Variants in PVT1 observed in about 807,000 individuals in gnomAD.
PVT1 encodes CXCR4/PVT1 fusion.
chr8:127,844,661 G>A (rs1425529853), intron 2 of PVT1, among the ~76,000 whole-genome samples: 2 of 151,694 alleles, frequency 1.3e-5, no homozygotes, highest in South Asian at 2.1e-4. Context: ...TCATCCACTC[G>A]ACTGAACTTC....
intron 2 of PVT1, among the ~76,000 whole-genome samples, chr8:127,817,185 A>G (rs989074210): frequency 1.1e-4 from 17 of 151,906 alleles, no homozygotes; most frequent in Admixed American, 9.9e-4. Flanking sequence ...ACCTTCAGCA[A>G]TCATCTCAAA....
chr8:127,982,196 G>A (rs939105656), intron 3 of PVT1, among the ~76,000 whole-genome samples: 3 of 152,206 alleles, frequency 2.0e-5, no homozygotes, highest in Admixed American at 2.0e-4. Context: ...ACCTATTGGA[G>A]TTGGATAACG....
chr8:128,072,812 A>C (rs1039763500), intron 5 of PVT1, among the ~76,000 whole-genome samples: 1 of 151,718 alleles, frequency 6.6e-6, no homozygotes, highest in Non-Finnish European at 1.5e-5. Context: ...GAGCACTTTT[A>C]TTTTATTTTA....
chr8:127,796,499 C>G (rs935575738), intron 2 of PVT1, among the ~76,000 whole-genome samples: 23 of 152,172 alleles, frequency 1.5e-4, no homozygotes, highest in African/African-American at 5.3e-4. Context: ...GCCTCCTGAG[C>G]GGTAGGCAGG....
intron 4 of PVT1, among the ~76,000 whole-genome samples, chr8:127,989,935 G>A (rs933824246): frequency 1.3e-5 from 2 of 152,186 alleles, no homozygotes; most frequent in African/African-American, 2.4e-5. Context: ...TCATGAAGAT[G>A]TTGTTTGTGT....
At chr8:127,912,571 T>C (rs938337344) in intron 3 of PVT1, among the ~76,000 whole-genome samples, 2 of 152,160 alleles carry the variant, frequency 1.3e-5, no homozygotes, top group South Asian at 4.1e-4. Context: ...AGTGGAGAAG[T>C]TGGATTATCC....
intron 3 of PVT1, among the ~76,000 whole-genome samples, chr8:127,974,921 G>A (rs550972307): frequency 6.6e-5 from 10 of 152,002 alleles, no homozygotes; most frequent in Non-Finnish European, 1.3e-4. Flanking sequence ...ATCCTAAAGC[G>A]GAAACATTTT....
rs147745254 is a variant in PVT1 at position 127,958,986 on chromosome 8, A to G, written n.783-30176A>G. On this transcript the variant is annotated intron_variant and non_coding_transcript_variant, in intron 3 of 10. Coordinates refer to ENST00000651587, the Ensembl canonical transcript of PVT1. ...GGTCACAGCACCAAGATGGGAACCC[A>G]GCAGGTGGCCTGGGTCCTCATGGTT... Among the ~76,000 whole-genome samples the G allele has an allele frequency of 3.3e-3, 483 of 144,678 alleles. 4 individuals carry two copies. The highest frequency in any genetic ancestry group is 0.023 in the Admixed American group (336 of 14,482). 94.9% of individuals were successfully genotyped at this position (144,678 alleles called of 152,430 possible). A position where few individuals can be genotyped will look rare whatever the true frequency, so the allele number is the denominator to read the frequency against.
At chr8:127,921,778 A>G (rs1816061103) in intron 3 of PVT1, among the ~76,000 whole-genome samples, 1 of 145,334 alleles carries the variant, frequency 6.9e-6, no homozygotes, top group Non-Finnish European at 1.5e-5. Context: ...ACGTCACTGC[A>G]CTCCAGCCTG....
At chr8:127,924,722 A>G (rs113258737) in intron 3 of PVT1, among the ~76,000 whole-genome samples, 4,396 of 152,164 alleles carry the variant, frequency 0.029, 224 homozygotes, top group African/African-American at 0.1. Flanking sequence ...CGTGTTAGCC[A>G]GGATGGTCTT....
chr8:127,965,674 A>C (rs1360609264), intron 3 of PVT1, among the ~76,000 whole-genome samples: 3 of 152,204 alleles, frequency 2.0e-5, no homozygotes, highest in Non-Finnish European at 4.4e-5. Context: ...TATTTAGAGA[A>C]GGCGGCTCCC....
At chr8:127,940,999 G>A (rs1280374299) in intron 3 of PVT1, among the ~76,000 whole-genome samples, 1 of 152,204 alleles carries the variant, frequency 6.6e-6, no homozygotes, top group Non-Finnish European at 1.5e-5. Flanking sequence ...CTGCAGGGGA[G>A]AGTCTGTTCC....
intron 2 of PVT1, among the ~76,000 whole-genome samples, chr8:127,838,426 C>A (rs1814932677): frequency 6.6e-6 from 1 of 151,984 alleles, no homozygotes; most frequent in Admixed American, 6.6e-5. Context: ...AAGGTCTAGC[C>A]AGGTGCGGTG....
chr8:127,812,665 G>A (rs1248942789), intron 2 of PVT1, among the ~76,000 whole-genome samples: 2 of 150,710 alleles, frequency 1.3e-5, no homozygotes, highest in East Asian at 1.9e-4. Flanking sequence ...GGAAGGAAGG[G>A]AGGGAAGGGA....
intron 4 of PVT1, among the ~76,000 whole-genome samples, chr8:128,025,159 C>G (rs1013675831): frequency 5.9e-5 from 9 of 152,342 alleles, no homozygotes; most frequent in African/African-American, 2.2e-4. Flanking sequence ...AGGCAGGAGC[C>G]CTACTTGGCT....
At chr8:127,995,354 A>C (rs1817092205) in intron 4 of PVT1, among the ~76,000 whole-genome samples, 1 of 152,122 alleles carries the variant, frequency 6.6e-6, no homozygotes, top group Non-Finnish European at 1.5e-5. Context: ...TATTTATTGA[A>C]CACTCCTGTG....
intron 3 of PVT1, among the ~76,000 whole-genome samples, chr8:127,938,733 G>GT (rs1334899440): frequency 6.6e-6 from 1 of 152,192 alleles, no homozygotes; most frequent in African/African-American, 2.4e-5. Flanking sequence ...ATTCCAGTCT[G>GT]TTTTTACTAA....
intron 2 of PVT1, among the ~76,000 whole-genome samples, chr8:127,863,971 G>T (rs1367017054): frequency 6.6e-6 from 1 of 152,216 alleles, no homozygotes; most frequent in Admixed American, 6.5e-5. Context: ...GGCTCAGCGC[G>T]GATGGAGCGA....
At chr8:127,912,988 C>T (rs1449470302) in intron 3 of PVT1, among the ~76,000 whole-genome samples, 1 of 151,494 alleles carries the variant, frequency 6.6e-6, no homozygotes, top group Non-Finnish European at 1.5e-5. Context: ...GTGAGCCACG[C>T]CCACCCACCC....
Sources: allele counts gnomAD v4.1 joint callset (sites outside exome capture counted in the v4.1 genomes callset), GRCh38; gene constraint gnomAD v4.1.1; transcripts MANE v1.5; gene names NCBI Gene and HGNC (gene_info 2026-07-23, HGNC 2026-07-21).